The following FOXK1 variants were observed in gnomAD, a reference collection of about 807,000 sequenced individuals.
FOXK1 encodes forkhead box K1.
FOXK1 carries 19 observed loss-of-function variants against 51.9 expected under a neutral mutation model. The observed-to-expected ratio is 0.37, with a 90% confidence interval of 0.26 to 0.54. FOXK1 has a LOEUF of 0.54. Among genes scored for constraint, FOXK1 ranks in the 20% least tolerant of loss-of-function variants. FOXK1 has a pLI of 0.87. For synonymous variants in FOXK1, 537 were observed against 482.6 expected, an observed-to-expected ratio of 1.11 and a Z score of -1.48; for missense variants, 870 against 1,032.7, an observed-to-expected ratio of 0.84 and a Z score of 2.16.
At position 4,759,390 on chromosome 7, in the gene FOXK1, C is replaced by T; in HGVS notation, c.1491C>T (p.Tyr497=). 2 of 1,602,152 alleles carry T rather than the reference C, an allele frequency of 1.2e-6. No individual in the cohort carries two copies. The highest frequency in any genetic ancestry group is 1.7e-6 in the Non-Finnish European group (2 of 1,178,926). Residue 497 remains tyrosine (Y), a synonymous_variant, in exon 7 of 9, where the codon TAC becomes TAT. Coordinates refer to ENST00000328914, the MANE Select transcript of FOXK1 (RefSeq NM_001037165.2). The part of the protein sequence containing the change: ...PSSLVAKPVA[Y]MPASIVTSQQ... ...GCCTCGTGGCCAAGCCCGTGGCCTA[C>T]ATGCCCGCCTCCATCGTAACCTCAC...
At chr7:4,725,341 G>C (rs941973978) in intron 1 of FOXK1, among the ~76,000 whole-genome samples, 1 of 152,230 alleles carries the variant, frequency 6.6e-6, no homozygotes, top group African/African-American at 2.4e-5. Flanking sequence ...TGGTCTGACC[G>C]GGGGCGCTGC....
In FOXK1 at chr7:4,764,572, G is replaced by C. The variant is rs75491247; in HGVS notation, c.*2108G>C. ...GCATGGCGTGAGAGAACGGGGGGTG[G>C]GGGTTGGAGGTGGCTCCCCGACACC... is the stretch of plus-strand genomic sequence containing the variant. On this transcript the variant is annotated 3_prime_UTR_variant, in exon 9 of 9. Coordinates refer to ENST00000328914, the MANE Select transcript of FOXK1 (RefSeq NM_001037165.2). 0.024 allele frequency: 3,681 copies of C among 153,336 alleles called. 163 individuals carry two copies. Among genetic ancestry groups the C allele is most frequent in the African/African-American group, 0.082 (3,403 of 41,566 alleles). 9.5% of individuals were successfully genotyped at this position (153,336 alleles called of 1,614,324 possible).
chr7:4,702,724 T>C (rs1195914561), intron 1 of FOXK1, among the ~76,000 whole-genome samples: 2 of 152,220 alleles, frequency 1.3e-5, no homozygotes, highest in Non-Finnish European at 2.9e-5. Context: ...ATCCTGTTTG[T>C]GTTTTCCACT....
chr7:4,699,050 G>A (rs1482722381), intron 1 of FOXK1, among the ~76,000 whole-genome samples: 1 of 152,158 alleles, frequency 6.6e-6, no homozygotes, highest in African/African-American at 2.4e-5. Flanking sequence ...GCTTGCTGGG[G>A]CTCCAGCCCA....
intron 1 of FOXK1, among the ~76,000 whole-genome samples, chr7:4,702,702 A>G (rs1051116922): frequency 2.6e-5 from 4 of 152,174 alleles, no homozygotes; most frequent in African/African-American, 9.7e-5. Context: ...GTGTCGTGAC[A>G]TCTTCTTCAT....
At chr7:4,718,299 G>A (rs1780264289) in intron 1 of FOXK1, among the ~76,000 whole-genome samples, 2 of 152,284 alleles carry the variant, frequency 1.3e-5, no homozygotes, top group South Asian at 2.1e-4. Context: ...CCACCGTGGC[G>A]GCCACGCAGC....
intron 1 of FOXK1, among the ~76,000 whole-genome samples, chr7:4,701,377 T>C (rs1476239383): frequency 6.6e-6 from 1 of 152,166 alleles, no homozygotes; most frequent in African/African-American, 2.4e-5. Context: ...CTCAAAACAG[T>C]TCCCAGTTTT....
intron 1 of FOXK1, among the ~76,000 whole-genome samples, chr7:4,697,952 G>A (rs1216251666): frequency 6.6e-6 from 1 of 151,962 alleles, no homozygotes; most frequent in Admixed American, 6.6e-5. Context: ...AGCCTCCCGA[G>A]TAGCTGGGAT....
intron 1 of FOXK1, among the ~76,000 whole-genome samples, chr7:4,737,534 A>G (rs1780569734): frequency 7.0e-6 from 1 of 142,774 alleles, no homozygotes; most frequent in Non-Finnish European, 1.5e-5. Context: ...GTGTGCATTC[A>G]TGCACGTGTG....
rs1780857949 is a variant in FOXK1, at chr7:4,756,727, T to C, written c.1051-267T>C. Among the ~76,000 whole-genome samples, 1 of 150,852 alleles carries C rather than the reference T, an allele frequency of 6.6e-6. No homozygotes were observed. The highest frequency in any genetic ancestry group is 6.6e-5 in the Admixed American group (1 of 15,144). On this transcript the variant is annotated intron_variant, in intron 4 of 8. Coordinates refer to ENST00000328914, the MANE Select transcript of FOXK1 (RefSeq NM_001037165.2). This position sits in a 1 kb window ranked among gnomAD's most constrained non-coding sequence, Gnocchi z 4.1. ...TTGCAGTGAGCCGAGATCGTGCCAC[T>C]GCACTCCATCCTGGGCGACAGAATG...
intron 2 of FOXK1, among the ~76,000 whole-genome samples, chr7:4,754,114 CG>C (rs1190938242): frequency 2.0e-5 from 3 of 152,156 alleles, no homozygotes; most frequent in African/African-American, 7.2e-5. Context: ...CTACCTGCTC[CG>C]GGTGCACATC....
chr7:4,711,580 C>T lies in FOXK1; in HGVS notation c.560+28712C>T, dbSNP rs755102822. On this transcript the variant is annotated intron_variant, in intron 1 of 8. Coordinates refer to ENST00000328914, the MANE Select transcript of FOXK1 (RefSeq NM_001037165.2). The surrounding 1 kb of genome is among the most constrained non-coding windows in gnomAD (Gnocchi z 6.3). ...TCCTAGAGCAGTTGGATGGGGAGAT[C>T]AGAGTGGGTCTCAAGAGTGCCACTC... 6.6e-6 allele frequency among the ~76,000 whole-genome samples: 1 copy of T among 152,152 alleles called. No homozygotes were observed. Among genetic ancestry groups the T allele is most frequent in the African/African-American group, 2.4e-5 (1 of 41,440 alleles).
Position 4,761,159 on chromosome 7 carries a change from G to A in FOXK1, c.1792G>A (p.Gly598Arg), listed in dbSNP as rs145281144. ...VASQMAPGVP[G>R]HTVTILQPAT... ...CAGCCAGATGGCCCCCGGGGTCCCC[G>A]GACACACGGTCACCATCCTGCAGCC... The change falls in exon 8 of 9, where the codon GGA becomes AGA. Residue 598 changes from glycine to arginine, a missense_variant. Transcript: ENST00000328914. This position sits in a 1 kb window ranked among gnomAD's most constrained non-coding sequence, Gnocchi z 6.2. The A allele has an allele frequency of 1.8e-5, 29 of 1,612,572 alleles. No individual in the cohort carries two copies. The highest frequency in any genetic ancestry group is 2.7e-5 in the African/African-American group (2 of 74,928).
rs1442604748 is a variant in FOXK1, at chr7:4,749,405, G to A, written c.747-5054G>A. On this transcript the variant is annotated intron_variant, in intron 2 of 8. Transcript: ENST00000328914. The surrounding 1 kb of genome is among the most constrained non-coding windows in gnomAD (Gnocchi z 6.0). The stretch of plus-strand genomic sequence containing the variant: ...GAGGTCCTAAAAACCCTCTTAGAGC[G>A]GCTGGTATTGGAGCAGGGGCTGGGG... Among the ~76,000 whole-genome samples the A allele has an allele frequency of 3.3e-5, 5 of 152,318 alleles. No individual in the cohort carries two copies. The highest frequency in any genetic ancestry group is 3.4e-3 in the Middle Eastern group (1 of 294).
intron 1 of FOXK1, among the ~76,000 whole-genome samples, chr7:4,710,889 G>T (rs1279347568): frequency 6.6e-6 from 1 of 152,126 alleles, no homozygotes; most frequent in African/African-American, 2.4e-5. Flanking sequence ...TCAGCTTGTT[G>T]TGACTCTTGT....
At position 4,689,322 on chromosome 7, in the gene FOXK1, C is replaced by T. The variant is rs187773014; in HGVS notation, c.560+6454C>T. Among the ~76,000 whole-genome samples the T allele has an allele frequency of 1.4e-3, 206 of 152,288 alleles. 1 individual carries two copies. Among genetic ancestry groups the T allele is most frequent in the Non-Finnish European group, 2.1e-3 (143 of 68,010 alleles). On this transcript the variant is annotated intron_variant, in intron 1 of 8. Transcript: ENST00000328914. ...TCATTTTGGCTGCCAGCATCGGATA[C>T]GTGGCTGGGTTGCCATGCTCCATCT...
Position 4,731,758 on chromosome 7 carries a change from CAAAAAAAA to C in FOXK1, c.561-9068_561-9061del, listed in dbSNP as rs374959543. On this transcript the variant is annotated intron_variant, in intron 1 of 8. Transcript: ENST00000328914. This position sits in a 1 kb window ranked among gnomAD's most constrained non-coding sequence, Gnocchi z 5.3. ...TGGGCAACAAAGCGAAACTCTGCCT[CAAAAAAAA>C]AAAAAAAAAAAGAAAACAGAGAGGC... 4.4e-5 allele frequency among the ~76,000 whole-genome samples: 3 copies of C among 68,672 alleles called. No homozygotes were observed. The East Asian group carries it at 1.7e-3, about 38-fold the overall frequency. The allele number at this position is 68,672 out of a possible 152,430, so 45.1% of individuals were successfully genotyped here.
At position 4,761,200 on chromosome 7, in the gene FOXK1, C is replaced by T. The variant is rs772982227; in HGVS notation, c.1833C>T (p.Thr611=). The T allele has an allele frequency of 1.1e-5, 18 of 1,613,116 alleles. No homozygotes were observed. The Middle Eastern group carries it at 4.9e-4, about 44-fold the overall frequency. ...VTILQPATPV[T]LGQHHLPVRA... ...TCCTGCAGCCCGCCACACCCGTGACCCTCGGGCAGCACCACCTTCCAGTCC... is the reference window on the plus strand; with the variant it reads ...TCCTGCAGCCCGCCACACCCGTGACTCTCGGGCAGCACCACCTTCCAGTCC... The change falls in exon 8 of 9, where the codon ACC becomes ACT. Residue 611 remains threonine (T), a synonymous_variant. Coordinates refer to ENST00000328914, the MANE Select transcript of FOXK1 (RefSeq NM_001037165.2). The surrounding 1 kb of genome is among the most constrained non-coding windows in gnomAD (Gnocchi z 6.2).
chr7:4,705,668 C>CTGGGACTA, intron 1 of FOXK1, among the ~76,000 whole-genome samples: 1 of 151,744 alleles, frequency 6.6e-6, no homozygotes, highest in East Asian at 1.9e-4. Context: ...TCCCAAGCAG[C>CTGGGACTA]TGGGACTATA....
Sources: allele counts gnomAD v4.1 joint callset (sites outside exome capture counted in the v4.1 genomes callset), GRCh38; gene constraint gnomAD v4.1.1; non-coding constraint Gnocchi (gnomAD v3.1); transcripts MANE v1.5; gene names NCBI Gene and HGNC (gene_info 2026-07-23, HGNC 2026-07-21).